MSI2: variants seen among roughly 807,000 people sequenced by gnomAD.
MSI2 encodes the protein musashi RNA binding protein 2, also known as RNA-binding protein Musashi homolog 2.
A neutral mutation model predicts 45.6 loss-of-function variants in MSI2; 17 were observed. The observed-to-expected ratio is 0.37, with a 90% CI of 0.26 to 0.56. The LOEUF (loss-of-function observed/expected upper bound fraction) is 0.56, where lower values mean the gene tolerates loss of function less well. MSI2 is among the 20% of genes least tolerant of loss of function. MSI2 has a pLI of 0.77. For synonymous variants in MSI2, 156 were observed against 158.2 expected, an observed-to-expected ratio of 0.99 and a Z score of 0.11; for missense variants, 293 against 444.2, an observed-to-expected ratio of 0.66 and a Z score of 3.06.
intron 6 of MSI2, among the ~76,000 whole-genome samples, chr17:57,465,609 C>CTAATAG (rs2085316002): frequency 6.6e-6 from 1 of 152,126 alleles, no homozygotes; most frequent in Non-Finnish European, 1.5e-5. Flanking sequence ...GTTCTATGTC[C>CTAATAG]TTAATTCAGG....
At chr17:57,655,069 CT>C (rs1304610543) in intron 11 of MSI2, among the ~76,000 whole-genome samples, 6 of 151,704 alleles carry the variant, frequency 4.0e-5, no homozygotes, top group African/African-American at 9.7e-5. Context: ...GGTAGGAGGT[CT>C]GGGGGGGCCT....
chr17:57,509,778 G>T (rs563613074), intron 6 of MSI2, among the ~76,000 whole-genome samples: 30 of 151,706 alleles, frequency 2.0e-4, no homozygotes, highest in Admixed American at 5.9e-4. Flanking sequence ...CCAAGCAAAT[G>T]CAGTCCCCCC....
At chr17:57,262,751 C>T (rs1598041345) in intron 5 of MSI2, among the ~76,000 whole-genome samples, 1 of 152,138 alleles carries the variant, frequency 6.6e-6, no homozygotes, top group East Asian at 1.9e-4. Flanking sequence ...AGTGCTGGTG[C>T]CTGGGTGGAG....
intron 7 of MSI2, among the ~76,000 whole-genome samples, chr17:57,566,353 T>C (rs2087732079): frequency 6.6e-6 from 1 of 152,208 alleles, no homozygotes; most frequent in Non-Finnish European, 1.5e-5. Flanking sequence ...ATGTACGTTT[T>C]ACATTTGATT....
rs1382899579 is a variant in MSI2 at position 57,651,681 on chromosome 17, G to A, written c.728-418G>A. ...CCCAAGTGCCTCCTGCCTGTGGCAC[G>A]GGGCTGACCACTCCGCCATGATCTC... On this transcript the variant is annotated intron_variant, in intron 10 of 13. Coordinates refer to ENST00000284073, the MANE Select transcript of MSI2 (RefSeq NM_138962.4). Among the ~76,000 whole-genome samples the A allele has an allele frequency of 3.3e-5, 5 of 152,310 alleles. No homozygotes were observed. In the East Asian group the frequency reaches 9.6e-4, roughly 29 times the overall value.
chr17:57,270,905 C>T (rs945679998), intron 5 of MSI2, among the ~76,000 whole-genome samples: 3 of 152,176 alleles, frequency 2.0e-5, no homozygotes, highest in African/African-American at 7.2e-5. Flanking sequence ...GTGTCAGTGG[C>T]TTGGCCTGCT....
chr17:57,619,089 G>A (rs78056066), intron 9 of MSI2, among the ~76,000 whole-genome samples: 2,383 of 152,220 alleles, frequency 0.016, 56 homozygotes, highest in African/African-American at 0.052. Flanking sequence ...GGTGTGAAGC[G>A]GAGCCAGCTC....
chr17:57,667,385 GTGT>G (rs1912444986), intron 11 of MSI2, among the ~76,000 whole-genome samples: 1 of 152,128 alleles, frequency 6.6e-6, no homozygotes, highest in Admixed American at 6.5e-5. Flanking sequence ...TCAGGGTAAG[GTGT>G]TGTTGAAGCA....
intron 6 of MSI2, among the ~76,000 whole-genome samples, chr17:57,517,568 C>T (rs146780276): frequency 1.4e-3 from 220 of 152,212 alleles, no homozygotes; most frequent in African/African-American, 5.1e-3. Context: ...CTGTACTGGG[C>T]GGGAAGTGGA....
chr17:57,346,226 C>G (rs1040593746), intron 5 of MSI2, among the ~76,000 whole-genome samples: 1 of 152,010 alleles, frequency 6.6e-6, no homozygotes, highest in African/African-American at 2.4e-5. Flanking sequence ...CACTTGCTCA[C>G]TTGTATTTCG....
At chr17:57,306,114 C>T (rs1273570024) in intron 5 of MSI2, among the ~76,000 whole-genome samples, 1 of 151,980 alleles carries the variant, frequency 6.6e-6, no homozygotes, top group African/African-American at 2.4e-5. Flanking sequence ...CTGGCCTTTG[C>T]TTGCTCTGGG....
chr17:57,367,744 G>A (rs987008957), intron 5 of MSI2, among the ~76,000 whole-genome samples: 1 of 152,202 alleles, frequency 6.6e-6, no homozygotes, highest in Admixed American at 6.5e-5. Flanking sequence ...CTCATCCCCC[G>A]AGTTGAAGCT....
At chr17:57,678,635 A>G (rs1409028212) in intron 13 of MSI2, among the ~76,000 whole-genome samples, 4 of 147,736 alleles carry the variant, frequency 2.7e-5, no homozygotes, top group African/African-American at 9.8e-5. Flanking sequence ...CCACAGCTCC[A>G]TATAACCCCA....
At chr17:57,292,094 G>A (rs545729328) in intron 5 of MSI2, among the ~76,000 whole-genome samples, 2 of 152,196 alleles carry the variant, frequency 1.3e-5, no homozygotes, top group East Asian at 3.9e-4. Flanking sequence ...GGATCGTAGA[G>A]GAGGGGACGC....
intron 8 of MSI2, among the ~76,000 whole-genome samples, chr17:57,608,682 G>A (rs1054283205): frequency 6.6e-6 from 1 of 152,226 alleles, no homozygotes; most frequent in African/African-American, 2.4e-5. Flanking sequence ...AGGACCCCTT[G>A]TCGTCTTTTT....
At chr17:57,528,079 G>GC (rs1179686735) in intron 6 of MSI2, among the ~76,000 whole-genome samples, 6 of 151,364 alleles carry the variant, frequency 4.0e-5, no homozygotes, top group Middle Eastern at 3.2e-3. Context: ...TGAGGACAGG[G>GC]CCCCCCGCTA....
At chr17:57,466,481 A>G (rs530088078) in intron 6 of MSI2, among the ~76,000 whole-genome samples, 2 of 152,304 alleles carry the variant, frequency 1.3e-5, no homozygotes, top group Admixed American at 6.5e-5. Context: ...TTCCAGACAG[A>G]TATTGAAAAT....
rs150986116 is a variant in MSI2, at chr17:57,517,336, T to G, written c.406-12340T>G. On this transcript the variant is annotated intron_variant, in intron 6 of 13. Coordinates refer to ENST00000284073, the MANE Select transcript of MSI2 (RefSeq NM_138962.4). ...ATGAAGAAACTCTGGGGCTGAGTGG[T>G]GCTGAGTGCGCTGATTCGGGTGCCT... Among the ~76,000 whole-genome samples the G allele has an allele frequency of 4.6e-3, 706 of 152,284 alleles. 1 individual carries two copies. The highest frequency in any genetic ancestry group is 0.016 in the African/African-American group (651 of 41,572).
At chr17:57,344,075 G>A (rs1369588014) in intron 5 of MSI2, among the ~76,000 whole-genome samples, 2 of 152,204 alleles carry the variant, frequency 1.3e-5, no homozygotes, top group African/African-American at 4.8e-5. Context: ...GATGCTTTAA[G>A]ATGTTCCTCA....
Sources: gnomAD v4.1 joint callset for allele counts (sites outside exome capture counted in the v4.1 genomes callset) on GRCh38, gnomAD v4.1.1 for gene constraint, MANE v1.5 for transcripts, NCBI Gene and HGNC (gene_info 2026-07-23, HGNC 2026-07-21) for gene names.